The following FARS2 variants were observed in gnomAD, a reference collection of about 807,000 sequenced individuals.
FARS2 encodes phenylalanyl-tRNA synthetase 2, mitochondrial.
Under a neutral mutation model 46.4 loss-of-function variants are expected in FARS2, and 40 were observed. The observed-to-expected ratio is 0.86, with a 90% CI of 0.67 to 1.12. FARS2 has a LOEUF of 1.12. Among genes scored for constraint, FARS2 ranks in the 50% most tolerant of loss-of-function variants. FARS2 has a pLI of 0.00. For missense variants in FARS2, 513 were observed against 567.9 expected, an observed-to-expected ratio of 0.90 and a Z score of 0.98; for synonymous variants, 234 against 214.9, an observed-to-expected ratio of 1.09 and a Z score of -0.78.
intron 1 of FARS2, among the ~76,000 whole-genome samples, chr6:5,344,365 A>T (rs1412026083): frequency 6.6e-6 from 1 of 152,210 alleles, no homozygotes; most frequent in Non-Finnish European, 1.5e-5. Context: ...CCTGACGTAG[A>T]TATGTCCCCT....
At chr6:5,504,437 TAAAAAA>T (rs143444280) in intron 4 of FARS2, among the ~76,000 whole-genome samples, 1 of 126,470 alleles carries the variant, frequency 7.9e-6, no homozygotes, top group African/African-American at 3.0e-5. Context: ...TGCTTTCCAG[TAAAAAA>T]AAAAAAAAAA....
At chr6:5,385,354 A>G (rs769949784) in intron 2 of FARS2, among the ~76,000 whole-genome samples, 7 of 152,188 alleles carry the variant, frequency 4.6e-5, no homozygotes, top group Admixed American at 1.3e-4. Context: ...TTGGATTTGA[A>G]TAATGTAATT....
intron 6 of FARS2, among the ~76,000 whole-genome samples, chr6:5,643,800 C>T (rs1412796991): frequency 6.6e-6 from 1 of 151,954 alleles, no homozygotes; most frequent in South Asian, 2.1e-4. Flanking sequence ...GACACTAGGG[C>T]CTGGAAAAGG....
At chr6:5,771,266 A>G (rs1337005200) in intron 6 of FARS2, 25 bp from the exon 7 acceptor site, 1 of 1,613,476 alleles carries the variant, frequency 6.2e-7, no homozygotes, top group Non-Finnish European at 8.5e-7. Flanking sequence ...TCCCGCACTC[A>G]CCTGTGTTCT....
At chr6:5,314,258 A>G (rs953912597) in intron 1 of FARS2, among the ~76,000 whole-genome samples, 3 of 152,164 alleles carry the variant, frequency 2.0e-5, no homozygotes, top group Admixed American at 2.0e-4. Context: ...AGAGTTGGAA[A>G]GAGGCAGATG....
chr6:5,482,631 T>G (rs1426920015), intron 4 of FARS2, among the ~76,000 whole-genome samples: 2 of 151,650 alleles, frequency 1.3e-5, no homozygotes, highest in African/African-American at 4.9e-5. Context: ...GAGGTGAGAG[T>G]CTAGTGGAGA....
intron 4 of FARS2, among the ~76,000 whole-genome samples, chr6:5,489,271 T>C (rs895339442): frequency 2.6e-5 from 4 of 151,990 alleles, no homozygotes; most frequent in Admixed American, 2.6e-4. Context: ...ATGGCCAACA[T>C]AGTGAAACGC....
chr6:5,602,566 G>A lies in FARS2; in HGVS notation c.1066-10603G>A, dbSNP rs1322301365. On this transcript the variant is annotated intron_variant, in intron 5 of 6. Transcript: ENST00000274680. ...GGAGGCTGAGGCAGGAGAATCACTT[G>A]GACCCAGGAGGCAGAGGTTGCAGTG... Among the ~76,000 whole-genome samples, 4 of 143,304 alleles carry A rather than the reference G, an allele frequency of 2.8e-5. No homozygotes were observed. The East Asian group carries it at 8.6e-4, about 31-fold the overall frequency. 94.0% of individuals were successfully genotyped at this position (143,304 alleles called of 152,430 possible).
At chr6:5,388,597 A>G (rs923248133) in intron 2 of FARS2, among the ~76,000 whole-genome samples, 8 of 151,998 alleles carry the variant, frequency 5.3e-5, no homozygotes, top group Non-Finnish European at 1.0e-4. Context: ...GTCTGTGCTC[A>G]TTTGTGCACT....
chr6:5,653,310 A>G (rs865873029), intron 6 of FARS2, among the ~76,000 whole-genome samples: 1 of 152,234 alleles, frequency 6.6e-6, no homozygotes, highest in Admixed American at 6.5e-5. Context: ...ACAAAAAAGT[A>G]CACTGATCTA....
At chr6:5,416,450 C>A (rs1762244618) in intron 3 of FARS2, among the ~76,000 whole-genome samples, 1 of 152,182 alleles carries the variant, frequency 6.6e-6, no homozygotes, top group Admixed American at 6.5e-5. Context: ...CCATGTATGT[C>A]TGGGGCTATT....
At chr6:5,370,881 A>G (rs1759016423) in intron 2 of FARS2, among the ~76,000 whole-genome samples, 1 of 152,188 alleles carries the variant, frequency 6.6e-6, no homozygotes, top group African/African-American at 2.4e-5. Context: ...GCTCATGTGT[A>G]TGTATGTATC....
chr6:5,279,386 AAGAAAAAG>A (rs1766564683), intron 1 of FARS2, among the ~76,000 whole-genome samples: 1 of 123,870 alleles, frequency 8.1e-6, no homozygotes. Flanking sequence ...AAAAAAAAAA[AAGAAAAAG>A]AAAAAGAAAA....
chr6:5,728,800 G>A (rs895235226), intron 6 of FARS2, among the ~76,000 whole-genome samples: 11 of 152,182 alleles, frequency 7.2e-5, no homozygotes, highest in African/African-American at 2.7e-4. Flanking sequence ...TGTGAGCTGT[G>A]GATTTGGGTG....
At chr6:5,739,144 C>CT (rs1268237093) in intron 6 of FARS2, among the ~76,000 whole-genome samples, 3 of 152,086 alleles carry the variant, frequency 2.0e-5, no homozygotes, top group Non-Finnish European at 4.4e-5. Flanking sequence ...TGAGATGGGC[C>CT]TTTTGCACTC....
In FARS2 at chr6:5,658,878, C is replaced by T. The variant is rs116631421; in HGVS notation, c.1217+45558C>T. 7.7e-3 allele frequency among the ~76,000 whole-genome samples: 1,169 copies of T among 152,254 alleles called. 9 individuals carry two copies. The highest frequency in any genetic ancestry group is 0.02 in the Middle Eastern group (6 of 294). On this transcript the variant is annotated intron_variant, in intron 6 of 6. Transcript: ENST00000274680. ...AAAATACAAACATTTGATATGTGCTCGTATCCAATTTCAAGTTCTGCTTAT... is the reference window on the plus strand; with the variant it reads ...AAAATACAAACATTTGATATGTGCTTGTATCCAATTTCAAGTTCTGCTTAT...
chr6:5,341,553 C>T (rs1486753326), intron 1 of FARS2, among the ~76,000 whole-genome samples: 1 of 151,596 alleles, frequency 6.6e-6, no homozygotes, highest in Non-Finnish European at 1.5e-5. Flanking sequence ...GAGTCTCGCT[C>T]TGTTGCCCAG....
intron 5 of FARS2, among the ~76,000 whole-genome samples, chr6:5,583,456 A>G (rs1375774371): frequency 6.6e-6 from 1 of 152,160 alleles, no homozygotes; most frequent in Non-Finnish European, 1.5e-5. Flanking sequence ...AAGAGATTTC[A>G]TTTGTATGGC....
intron 3 of FARS2, among the ~76,000 whole-genome samples, chr6:5,410,157 GTT>G (rs67469826): frequency 1.8e-4 from 24 of 136,824 alleles, no homozygotes; most frequent in Non-Finnish European, 1.7e-4. Context: ...GTGTTTTTTT[GTT>G]TTTTTTTTTT....
Sources: allele counts gnomAD v4.1 joint callset (sites outside exome capture counted in the v4.1 genomes callset), GRCh38; gene constraint gnomAD v4.1.1; transcripts MANE v1.5; gene names NCBI Gene and HGNC (gene_info 2026-07-23, HGNC 2026-07-21).